SHANK2: variants seen among roughly 807,000 people sequenced by gnomAD.
SHANK2 encodes SH3 and multiple ankyrin repeat domains protein 2.
In SHANK2, 43 loss-of-function variants were observed where a neutral mutation model predicts 133.7. The ratio of observed to expected loss-of-function variants is 0.32; its 90% CI spans 0.25 to 0.41. The LOEUF is 0.41. Ranked by LOEUF, SHANK2 falls within the 10% of genes least tolerant of loss-of-function variation. The pLI is 1.00. For synonymous variants in SHANK2, 1,017 were observed against 952.8 expected, an observed-to-expected ratio of 1.07 and a Z score of -1.24; for missense variants, 1,994 against 2,235.8, an observed-to-expected ratio of 0.89 and a Z score of 2.18.
At position 71,197,421 on chromosome 11, in the gene SHANK2, A is replaced by C. The variant is rs117517706; in HGVS notation, c.-13+27276T>G. Reference sequence around the variant, plus strand: ...ATTAATAAATAAGCAAATAAGTGTGATGGCTCTTAAGTTCTAGCTCAGTTC... The same window carrying C: ...ATTAATAAATAAGCAAATAAGTGTGCTGGCTCTTAAGTTCTAGCTCAGTTC... On this transcript the variant is annotated intron_variant, in intron 2 of 25. Coordinates refer to ENST00000601538, the MANE Select transcript of SHANK2 (RefSeq NM_012309.5). Among the ~76,000 whole-genome samples the C allele has an allele frequency of 1.1e-3, 160 of 152,330 alleles. 2 individuals are homozygous for C. In the East Asian group the frequency reaches 0.027, roughly 26 times the overall value.
At chr11:70,549,161 A>C (rs2059733503) in intron 17 of SHANK2, among the ~76,000 whole-genome samples, 1 of 152,282 alleles carries the variant, frequency 6.6e-6, no homozygotes, top group Middle Eastern at 3.4e-3. Context: ...TCGACGTGAA[A>C]GCTCATGCTG....
At chr11:70,862,687 G>T in intron 11 of SHANK2, 1 of 228,444 alleles carries the variant, frequency 4.4e-6, no homozygotes, top group Non-Finnish European at 8.8e-6. Flanking sequence ...GGACAGGACT[G>T]TGGATGATAC....
Position 70,801,307 on chromosome 11 carries a change from T to G in SHANK2, c.1664-2751A>C, listed in dbSNP as rs555312921. On this transcript the variant is annotated intron_variant, in intron 13 of 25. Coordinates refer to ENST00000601538, the MANE Select transcript of SHANK2 (RefSeq NM_012309.5). Reference sequence around the variant, plus strand: ...GTACAAGGAGGCAGAGGTGACGTGCTGCAAGGGGTCCCCCCAACACGGGGA... The same window carrying G: ...GTACAAGGAGGCAGAGGTGACGTGCGGCAAGGGGTCCCCCCAACACGGGGA... Among the ~76,000 whole-genome samples, 33 of 152,356 alleles carry G rather than the reference T, an allele frequency of 2.2e-4. No homozygotes were observed. In the South Asian group the frequency reaches 6.6e-3, roughly 31 times the overall value.
At chr11:70,779,524 G>A (rs56660840) in intron 14 of SHANK2, among the ~76,000 whole-genome samples, 5,081 of 152,210 alleles carry the variant, frequency 0.033, 292 homozygotes, top group African/African-American at 0.12. Flanking sequence ...GTATGCTGAT[G>A]TTTTGCCGAG....
intron 10 of SHANK2, chr11:70,943,224 G>A (rs1950672623): frequency 5.2e-6 from 2 of 382,632 alleles, no homozygotes; most frequent in Non-Finnish European, 1.0e-5. Context: ...TGTGTCTGGA[G>A]GAGATTATGT....
intron 14 of SHANK2, among the ~76,000 whole-genome samples, chr11:70,735,672 C>G (rs1946388081): frequency 6.7e-6 from 1 of 149,686 alleles, no homozygotes; most frequent in South Asian, 2.1e-4. Context: ...CCATTGCATT[C>G]CAGCCTGGGT....
chr11:71,251,687 C>A (rs1185271232), intron 1 of SHANK2, among the ~76,000 whole-genome samples: 2 of 151,234 alleles, frequency 1.3e-5, no homozygotes, highest in African/African-American at 4.8e-5. Context: ...GTCTCCCTAT[C>A]CCAGCTGGTG....
At chr11:70,587,629 T>C (rs7949418) in intron 17 of SHANK2, among the ~76,000 whole-genome samples, 49,360 of 151,592 alleles carry the variant, frequency 0.33, 9,136 homozygotes, top group African/African-American at 0.5. Flanking sequence ...CCTTGCTTTA[T>C]TGTGCTTTGG....
chr11:71,061,293 A>G (rs1950983264), intron 9 of SHANK2, among the ~76,000 whole-genome samples: 1 of 152,240 alleles, frequency 6.6e-6, no homozygotes, highest in African/African-American at 2.4e-5. Flanking sequence ...GTCTTTACAG[A>G]AAAAAGGGTA....
chr11:70,694,332 T>A (rs1464417289), intron 15 of SHANK2, among the ~76,000 whole-genome samples: 1 of 152,132 alleles, frequency 6.6e-6, no homozygotes, highest in Non-Finnish European at 1.5e-5. Flanking sequence ...AATGAATTGG[T>A]GTGTTTCAAC....
intron 3 of SHANK2, among the ~76,000 whole-genome samples, chr11:71,145,567 G>A (rs1301904314): frequency 1.3e-5 from 2 of 152,202 alleles, no homozygotes; most frequent in East Asian, 1.9e-4. Flanking sequence ...CTGCTGGACC[G>A]CAAGCTGCTG....
intron 14 of SHANK2, among the ~76,000 whole-genome samples, chr11:70,769,003 G>A (rs552662889): frequency 1.2e-3 from 178 of 152,260 alleles, no homozygotes; most frequent in Middle Eastern, 3.4e-3. Context: ...TCTCACATCC[G>A]CATCTTGGGT....
intron 17 of SHANK2, among the ~76,000 whole-genome samples, chr11:70,571,707 G>T (rs1172305710): frequency 5.3e-5 from 8 of 152,084 alleles, no homozygotes; most frequent in African/African-American, 1.9e-4. Context: ...ACAGGCAAGG[G>T]CTGAGGTCGA....
Position 70,684,799 on chromosome 11 carries a change from C to A in SHANK2, c.1853+13889G>T, listed in dbSNP as rs964256275. 6.6e-5 allele frequency among the ~76,000 whole-genome samples: 10 copies of A among 152,000 alleles called. 1 individual carries two copies. Among genetic ancestry groups the A allele is most frequent in the Admixed American group, 3.3e-4 (5 of 15,260 alleles). ...ATCCAGTGAGCGTTGTTGGTCCCAGCCCTGCCCTGTCTGACCGGCTGCAGC... is the reference window on the plus strand; with the variant it reads ...ATCCAGTGAGCGTTGTTGGTCCCAGACCTGCCCTGTCTGACCGGCTGCAGC... On this transcript the variant is annotated intron_variant, in intron 15 of 25. Transcript: ENST00000601538.
rs148760644 is a variant in SHANK2 at position 70,837,025 on chromosome 11, G to A, written c.1175-16343C>T. ...GGGAGGGCTCAACCAGAAGGCTGCC[G>A]TCTGCAAGCCAGGAAGGGAGCCCTC... On this transcript the variant is annotated intron_variant, in intron 11 of 25. Coordinates refer to ENST00000601538, the MANE Select transcript of SHANK2 (RefSeq NM_012309.5). Among the ~76,000 whole-genome samples the A allele has an allele frequency of 5.0e-4, 76 of 152,288 alleles. No homozygotes were observed. The East Asian group carries it at 0.01, about 20-fold the overall frequency.
At chr11:70,890,926 T>C (rs1402575100) in intron 11 of SHANK2, among the ~76,000 whole-genome samples, 1 of 150,732 alleles carries the variant, frequency 6.6e-6, no homozygotes, top group East Asian at 2.0e-4. Flanking sequence ...ATCGTGCCAC[T>C]GCACTCCAGC....
chr11:71,238,888 T>C (rs1362642418), intron 1 of SHANK2, among the ~76,000 whole-genome samples: 5 of 152,180 alleles, frequency 3.3e-5, no homozygotes, highest in South Asian at 2.1e-4. Flanking sequence ...ACAGACTTCA[T>C]TCATGGGAAG....
intron 12 of SHANK2, among the ~76,000 whole-genome samples, chr11:70,810,642 C>A (rs1027969208): frequency 6.6e-6 from 1 of 152,236 alleles, no homozygotes; most frequent in East Asian, 1.9e-4. Context: ...TGACCTGCCC[C>A]AGCTGTGTGA....
At chr11:71,160,367 G>A (rs557885852) in intron 2 of SHANK2, among the ~76,000 whole-genome samples, 1 of 152,296 alleles carries the variant, frequency 6.6e-6, no homozygotes, top group East Asian at 1.9e-4. Context: ...TTTGGAGGTA[G>A]GACCTTTAAG....
Sources: gnomAD v4.1 joint callset for allele counts (sites outside exome capture counted in the v4.1 genomes callset) on GRCh38, gnomAD v4.1.1 for gene constraint, MANE v1.5 for transcripts, NCBI Gene and HGNC (gene_info 2026-07-23, HGNC 2026-07-21) for gene names.